Variants in DOCK3 observed in about 807,000 individuals in gnomAD.
DOCK3 encodes dedicator of cytokinesis 3, also known as dedicator of cytokinesis protein 3.
DOCK3 carries 60 observed loss-of-function variants against 265.6 expected under a neutral mutation model. That is an observed-to-expected ratio of 0.23 (90% CI 0.18 to 0.28). The LOEUF (loss-of-function observed/expected upper bound fraction) is 0.28. DOCK3 is among the 10% of genes least tolerant of loss of function. The pLI is 1.00. For synonymous variants in DOCK3, 881 were observed against 938.0 expected (o/e 0.94, Z 1.11); for missense variants, 1,981 against 2,594.3 (o/e 0.76, Z 5.14).
At chr3:51,179,505 T>C (rs1349912861) in intron 12 of DOCK3, among the ~76,000 whole-genome samples, 1 of 152,182 alleles carries the variant, frequency 6.6e-6, no homozygotes, top group Non-Finnish European at 1.5e-5. Flanking sequence ...ATCATAGATC[T>C]CCCTAGCTGA....
chr3:51,153,455 C>T (rs1418602815), intron 10 of DOCK3, among the ~76,000 whole-genome samples: 1 of 152,214 alleles, frequency 6.6e-6, no homozygotes, highest in Admixed American at 6.5e-5. Flanking sequence ...CGACCCATTG[C>T]ACTTCCCAGG....
chr3:50,811,646 T>C (rs2043765480), intron 2 of DOCK3, among the ~76,000 whole-genome samples: 1 of 152,196 alleles, frequency 6.6e-6, no homozygotes, highest in Non-Finnish European at 1.5e-5. Flanking sequence ...ACCTAGCCAT[T>C]TAATTCTTAA....
At chr3:50,940,289 C>CAAAAA (rs34253657) in intron 5 of DOCK3, among the ~76,000 whole-genome samples, 1 of 117,360 alleles carries the variant, frequency 8.5e-6, no homozygotes, top group Non-Finnish European at 1.8e-5. Flanking sequence ...CCATTTCTAC[C>CAAAAA]AAAAAAAAAA....
At chr3:51,206,406 T>C (rs13095652) in intron 12 of DOCK3, among the ~76,000 whole-genome samples, 59,774 of 152,044 alleles carry the variant, frequency 0.39, 15,257 homozygotes, top group Non-Finnish European at 0.56. Flanking sequence ...GACAAATAGG[T>C]GCCCTAAAAT....
At chr3:51,115,508 A>G (rs551213585) in intron 9 of DOCK3, among the ~76,000 whole-genome samples, 9 of 151,816 alleles carry the variant, frequency 5.9e-5, no homozygotes, top group Non-Finnish European at 1.0e-4. Context: ...TTTTTCTTGT[A>G]CATTTGTTTA....
chr3:50,970,704 C>T (rs1199731174), intron 5 of DOCK3, among the ~76,000 whole-genome samples: 2 of 141,122 alleles, frequency 1.4e-5, no homozygotes, highest in Non-Finnish European at 3.1e-5. Flanking sequence ...TGGTTTTCAA[C>T]TTTTTCTTAG....
At chr3:51,348,127 A>T (rs559522190) in intron 38 of DOCK3, among the ~76,000 whole-genome samples, 27 of 152,254 alleles carry the variant, frequency 1.8e-4, no homozygotes, top group African/African-American at 5.8e-4. Context: ...TATTTTTTTT[A>T]AAGGAGGAAA....
chr3:51,090,529 C>T, intron 9 of DOCK3, 145 bp downstream of exon 9: 1 of 882,912 alleles, frequency 1.1e-6, no homozygotes, highest in South Asian at 2.6e-5. Flanking sequence ...GTTTTGGCCC[C>T]AATTCCCTGT....
chr3:51,174,774 T>C (rs1576320594), intron 12 of DOCK3, among the ~76,000 whole-genome samples: 1 of 152,226 alleles, frequency 6.6e-6, no homozygotes, highest in African/African-American at 2.4e-5. Flanking sequence ...GTTTCTCTTA[T>C]GTCCCCAGAC....
Position 51,055,451 on chromosome 3 carries a change from C to A in DOCK3, c.316-8997C>A, listed in dbSNP as rs572675800. 2.0e-5 allele frequency among the ~76,000 whole-genome samples: 3 copies of A among 152,240 alleles called. No homozygotes were observed. The East Asian group carries it at 5.8e-4, about 29-fold the overall frequency. On this transcript the variant is annotated intron_variant, in intron 5 of 52. Coordinates refer to ENST00000266037, the MANE Select transcript of DOCK3 (RefSeq NM_004947.5). ...ATTCTTTGACAAGTCATCTACTTTC[C>A]AGCTTTCACCTTTAATGTTTGGTGG...
At chr3:51,201,549 T>G (rs1209003136) in intron 12 of DOCK3, among the ~76,000 whole-genome samples, 3 of 152,114 alleles carry the variant, frequency 2.0e-5, no homozygotes, top group Admixed American at 6.5e-5. Flanking sequence ...ACAAAGAGAC[T>G]TAGACTCCCA....
rs77682803 is a variant in DOCK3 at position 51,027,733 on chromosome 3, G to A, written c.316-36715G>A. 2.6e-3 allele frequency among the ~76,000 whole-genome samples: 393 copies of A among 152,078 alleles called. 9 individuals are homozygous for A. In the East Asian group the frequency reaches 0.067, roughly 26 times the overall value. On this transcript the variant is annotated intron_variant, in intron 5 of 52. Coordinates refer to ENST00000266037, the MANE Select transcript of DOCK3 (RefSeq NM_004947.5). ...TTTTATTGTCTTTGGTTTAACATCT[G>A]TTGTATCTGATATAGGAATAGCACC...
intron 40 of DOCK3, among the ~76,000 whole-genome samples, chr3:51,352,371 G>A (rs1256063465): frequency 2.6e-5 from 4 of 152,260 alleles, no homozygotes; most frequent in East Asian, 1.9e-4. Context: ...ATGCTCCATC[G>A]TAGTCCAACC....
chr3:51,331,457 T>G (rs1297023201), intron 33 of DOCK3, among the ~76,000 whole-genome samples: 2 of 152,106 alleles, frequency 1.3e-5, no homozygotes, highest in Non-Finnish European at 2.9e-5. Flanking sequence ...CAAATCATGT[T>G]TATAAGCTCT....
intron 1 of DOCK3, among the ~76,000 whole-genome samples, chr3:50,767,696 A>G (rs1406472257): frequency 6.6e-6 from 1 of 152,202 alleles, no homozygotes; most frequent in Non-Finnish European, 1.5e-5. Context: ...TTGAATCTAT[A>G]AATTACCTTG....
chr3:51,309,520 C>A (rs1400293157), intron 27 of DOCK3, among the ~76,000 whole-genome samples: 1 of 152,170 alleles, frequency 6.6e-6, no homozygotes, highest in Non-Finnish European at 1.5e-5. Flanking sequence ...TTGCAGTGAG[C>A]CGAGATGGCA....
chr3:51,248,045 G>T (rs991317229), intron 22 of DOCK3, among the ~76,000 whole-genome samples: 14 of 152,322 alleles, frequency 9.2e-5, no homozygotes, highest in African/African-American at 3.4e-4. Flanking sequence ...TAATCATTCA[G>T]TCAATGTTGC....
chr3:51,064,544 C>A lies in DOCK3; in HGVS notation c.412C>A (p.Gln138Lys), dbSNP rs746807203. 6.2e-7 allele frequency: 1 copy of A among 1,613,962 alleles called. No homozygotes were observed. Among genetic ancestry groups the A allele is most frequent in the South Asian group, 1.1e-5 (1 of 91,076 alleles). Residue 138 changes from glutamine to lysine, a missense_variant, in exon 6 of 53, where the codon CAG becomes AAG. Physicochemically the swap from Gln to Lys is moderately conservative, Grantham distance 53. This residue lies in a region of DOCK3 where 456 missense variants were observed against 539.0 expected (regional missense o/e 0.85). Coordinates refer to ENST00000266037, the MANE Select transcript of DOCK3 (RefSeq NM_004947.5). ...ACTGTCTGGTCACCTGACTCAGGAT[C>A]AGGTGCGGGAGGTTAAGCGGCACAT... is the stretch of plus-strand genomic sequence containing the variant. ...QLLSGHLTQD[Q>K]VREVKRHITV... is the part of the protein sequence containing the mutation.
chr3:50,742,102 G>A (rs1292077388), intron 1 of DOCK3, among the ~76,000 whole-genome samples: 2 of 152,066 alleles, frequency 1.3e-5, no homozygotes, highest in Non-Finnish European at 2.9e-5. Context: ...CATGTCCTTC[G>A]CCCACTTTTT....
Sources: allele counts gnomAD v4.1 joint callset (sites outside exome capture counted in the v4.1 genomes callset), GRCh38; gene constraint gnomAD v4.1.1; regional missense constraint gnomAD v4.1.1; transcripts MANE v1.5; gene names NCBI Gene and HGNC (gene_info 2026-07-23, HGNC 2026-07-21).